The following EI24 variants were observed in gnomAD, a reference collection of about 807,000 sequenced individuals.
EI24 encodes EI24 autophagy associated transmembrane protein.
Under a neutral mutation model 48.6 loss-of-function variants are expected in EI24, and 21 were observed. The ratio of observed to expected loss-of-function variants is 0.43; its 90% CI spans 0.31 to 0.62. EI24 has a LOEUF of 0.62. Ranked by LOEUF, EI24 falls within the 20% of genes least tolerant of loss-of-function variation. The pLI is 0.10. For synonymous variants in EI24, 114 were observed against 145.5 expected (o/e 0.78, Z 1.56); for missense variants, 280 against 410.5 (o/e 0.68, Z 2.75).
rs542740303 is a variant in EI24 at position 125,582,500 on chromosome 11, A to T, written c.860+80A>T. On this transcript the variant is annotated intron_variant, in intron 10 of 10. Transcript: ENST00000278903. ...ACCAGTTATGTCAGTGAGGCTTTTT[A>T]AAAAAAAAAATTCTTACTGTAGGAA... 3.4e-3 allele frequency: 2,349 copies of T among 700,766 alleles called. 8 individuals are homozygous for T. Among genetic ancestry groups the T allele is most frequent in the African/African-American group, 7.4e-3 (391 of 52,694 alleles). The allele number at this position is 700,766 out of a possible 1,614,324, so 43.4% of individuals were successfully genotyped here.
chr11:125,570,336 G>C (rs1019032898), intron 1 of EI24: 2 of 152,122 alleles, frequency 1.3e-5, no homozygotes, highest in Non-Finnish European at 2.9e-5. Context: ...CTCAGCTGTA[G>C]GATTCCCCCT....
At chr11:125,569,846 G>A in intron 1 of EI24, 1 of 220,454 alleles carries the variant, frequency 4.5e-6, no homozygotes. Context: ...GCACAGTTGT[G>A]CCTAGGGAGA....
chr11:125,582,493 G>A, intron 10 of EI24, 73 bp downstream of exon 10: 2 of 1,170,158 alleles, frequency 1.7e-6, no homozygotes, highest in Non-Finnish European at 1.2e-6. Context: ...TGTCAGTGAG[G>A]CTTTTTAAAA....
At chr11:125,580,475 G>C (rs1214460258) in intron 8 of EI24, among the ~76,000 whole-genome samples, 6 of 152,178 alleles carry the variant, frequency 3.9e-5, no homozygotes, top group Admixed American at 2.6e-4. Flanking sequence ...AGCATGAGTT[G>C]CTCTAAATTA....
rs1465846751 is a variant in EI24, at chr11:125,583,951, C to G, written c.*268C>G. ...AGCTATTTTCTAGCATTTGCCAGTC[C>G]CTGTGCCTGGACTGATTGGAACACT... On this transcript the variant is annotated 3_prime_UTR_variant, in exon 11 of 11. Coordinates refer to ENST00000278903, the MANE Select transcript of EI24 (RefSeq NM_004879.5). The G allele has an allele frequency of 2.1e-6, 1 of 483,110 alleles. No homozygotes were observed. The highest frequency in any genetic ancestry group is 3.8e-6 in the Non-Finnish European group (1 of 264,258). 29.9% of individuals were successfully genotyped at this position (483,110 alleles called of 1,614,324 possible). A position where few individuals can be genotyped will look rare whatever the true frequency, so the allele number is the denominator to read the frequency against.
intron 7 of EI24, among the ~76,000 whole-genome samples, chr11:125,579,598 C>T (rs140628451): frequency 0.075 from 11,356 of 152,114 alleles, 483 homozygotes; most frequent in African/African-American, 0.099. Flanking sequence ...ACCCAGGAGG[C>T]AGAGATTGTA....
rs1565333247 is a variant in EI24 at position 125,582,336 on chromosome 11, T to C, written c.786-10T>C. ...GTGACTAATTATTTCTTTTTTTTTT[T>C]TTTAAACAGTGGCTGCCTTTTCTCT... On this transcript the variant is annotated splice_polypyrimidine_tract_variant and intron_variant, in intron 9 of 10. Coordinates refer to ENST00000278903, the MANE Select transcript of EI24 (RefSeq NM_004879.5). The C allele has an allele frequency of 7.1e-6, 11 of 1,539,132 alleles. No individual in the cohort carries two copies. Among genetic ancestry groups the C allele is most frequent in the Non-Finnish European group, 8.7e-6 (10 of 1,147,412 alleles).
intron 5 of EI24, chr11:125,577,909 T>C (rs1938815091): frequency 6.7e-6 from 4 of 600,794 alleles, no homozygotes; most frequent in Admixed American, 6.0e-5. Flanking sequence ...GTAAGCAGGT[T>C]TGTGTCAAGC....
At chr11:125,574,372 G>A (rs946782352) in intron 2 of EI24, among the ~76,000 whole-genome samples, 1 of 152,100 alleles carries the variant, frequency 6.6e-6, no homozygotes, top group Non-Finnish European at 1.5e-5. Flanking sequence ...CATGTACTAG[G>A]CCCTCAGCCA....
chr11:125,583,149 G>A (rs1939085213), intron 10 of EI24, among the ~76,000 whole-genome samples: 1 of 152,026 alleles, frequency 6.6e-6, no homozygotes, highest in African/African-American at 2.4e-5. Flanking sequence ...CACCCAAGCT[G>A]GAGTGCAGTG....
At chr11:125,581,416 C>T (rs1938987582) in intron 9 of EI24, 94 bp downstream of exon 9, 1 of 674,772 alleles carries the variant, frequency 1.5e-6, no homozygotes, top group East Asian at 3.0e-5. Context: ...TCGCATTCTA[C>T]ATCATCATTT....
intron 1 of EI24, among the ~76,000 whole-genome samples, chr11:125,571,604 T>G (rs905630061): frequency 6.6e-6 from 1 of 152,206 alleles, no homozygotes; most frequent in African/African-American, 2.4e-5. Flanking sequence ...CAGCCGGGCG[T>G]GGTGGCTCAT....
At chr11:125,581,474 A>C (rs1938990244) in intron 9 of EI24, among the ~76,000 whole-genome samples, 152 bp downstream of exon 9, 1 of 148,140 alleles carries the variant, frequency 6.8e-6, no homozygotes, top group Non-Finnish European at 1.5e-5. Flanking sequence ...TAGCATGAAG[A>C]TCTAGTCTGA....
At chr11:125,575,116 C>T (rs866795978) in intron 2 of EI24, 147 bp from the exon 3 acceptor site, 15 of 604,868 alleles carry the variant, frequency 2.5e-5, no homozygotes, top group African/African-American at 1.7e-4. Context: ...ACTCATAGCT[C>T]TTTGGGAGGC....
chr11:125,576,776 C>A (rs1379925424), intron 4 of EI24, among the ~76,000 whole-genome samples: 1 of 152,192 alleles, frequency 6.6e-6, no homozygotes, highest in Non-Finnish European at 1.5e-5. Flanking sequence ...GCAGGCTTAA[C>A]TGAAATTTGG....
At position 125,572,461 on chromosome 11, in the gene EI24, C is replaced by T. The variant is rs1938566753; in HGVS notation, c.-67C>T. The T allele has an allele frequency of 2.7e-6, 4 of 1,461,542 alleles. No individual in the cohort carries two copies. Among genetic ancestry groups the T allele is most frequent in the Non-Finnish European group, 2.9e-6 (3 of 1,045,154 alleles). The allele number at this position is 1,461,542 out of a possible 1,614,324, so 90.5% of individuals were successfully genotyped here. A position where few individuals can be genotyped will look rare whatever the true frequency, so the allele number is the denominator to read the frequency against. On this transcript the variant is annotated 5_prime_UTR_variant, in exon 2 of 11. Coordinates refer to ENST00000278903, the MANE Select transcript of EI24 (RefSeq NM_004879.5). Reference sequence around the variant, plus strand: ...ATTATGTTCCATCTGTTTCCAGATCCTTCATGATGAGAGATTTGGGGACAC... The same window carrying T: ...ATTATGTTCCATCTGTTTCCAGATCTTTCATGATGAGAGATTTGGGGACAC...
At position 125,582,439 on chromosome 11, in the gene EI24, T is replaced by C. The variant is rs898561678; in HGVS notation, c.860+19T>C. The C allele has an allele frequency of 1.3e-6, 2 of 1,573,112 alleles. No individual in the cohort carries two copies. The highest frequency in any genetic ancestry group is 1.7e-6 in the Non-Finnish European group (2 of 1,160,224). ...AAGCATAGTAAGTATTAGCCAGTGA[T>C]GAAATTTTTGCTGTGTAAAGGGTTG... On this transcript the variant is annotated intron_variant, in intron 10 of 10. Transcript: ENST00000278903.
At chr11:125,577,044 G>A (rs188818514) in intron 4 of EI24, among the ~76,000 whole-genome samples, 2 of 152,048 alleles carry the variant, frequency 1.3e-5, no homozygotes, top group African/African-American at 2.4e-5. Context: ...AAATAGAAAT[G>A]GATCCAGTTT....
At chr11:125,572,192 T>A (rs1302774260) in intron 1 of EI24, among the ~76,000 whole-genome samples, 1 of 152,108 alleles carries the variant, frequency 6.6e-6, no homozygotes, top group Non-Finnish European at 1.5e-5. Flanking sequence ...GAGCACATTG[T>A]AAAAATGTAA....
Sources: allele counts gnomAD v4.1 joint callset (sites outside exome capture counted in the v4.1 genomes callset), GRCh38; gene constraint gnomAD v4.1.1; transcripts MANE v1.5; gene names NCBI Gene and HGNC (gene_info 2026-07-23, HGNC 2026-07-21).